The following CDH18 variants were observed in gnomAD, a reference collection of about 807,000 sequenced individuals.
The protein encoded by CDH18 is cadherin 18.
CDH18 carries 31 observed loss-of-function variants against 67.9 expected under a neutral mutation model. That is an observed-to-expected ratio of 0.46 (90% CI 0.34 to 0.62). CDH18 has a LOEUF of 0.62. CDH18 is among the 20% of genes least tolerant of loss of function. The probability of loss-of-function intolerance (pLI) is 0.01; values close to 1 mark genes in which losing one functional copy is unlikely to be tolerated. For synonymous variants in CDH18, 362 were observed against 347.2 expected (o/e 1.04, Z -0.48); for missense variants, 890 against 975.5 (o/e 0.91, Z 1.17).
At chr5:20,561,177 C>T (rs565994907) in intron 1 of CDH18, among the ~76,000 whole-genome samples, 2 of 152,136 alleles carry the variant, frequency 1.3e-5, no homozygotes, top group African/African-American at 4.8e-5. Flanking sequence ...ATTGCATAGC[C>T]ATAGTGGAAG....
intron 2 of CDH18, among the ~76,000 whole-genome samples, chr5:20,218,158 G>A (rs1341028226): frequency 2.0e-5 from 3 of 151,760 alleles, no homozygotes; most frequent in Non-Finnish European, 4.4e-5. Flanking sequence ...TGCACTACAG[G>A]CCCAACAGAC....
chr5:19,850,892 T>C (rs1292150627), intron 2 of CDH18, among the ~76,000 whole-genome samples: 2 of 151,868 alleles, frequency 1.3e-5, no homozygotes, highest in African/African-American at 4.8e-5. Context: ...TCTTACATCA[T>C]CCTGTTTATG....
chr5:20,083,873 C>T (rs1366316472), intron 2 of CDH18, among the ~76,000 whole-genome samples: 1 of 152,138 alleles, frequency 6.6e-6, no homozygotes, highest in Non-Finnish European at 1.5e-5. Flanking sequence ...AAGACTTGCC[C>T]CCATGATTCA....
intron 2 of CDH18, among the ~76,000 whole-genome samples, chr5:20,044,170 C>T (rs966343275): frequency 1.9e-5 from 1 of 53,086 alleles, no homozygotes; most frequent in Non-Finnish European, 8.2e-5. Flanking sequence ...TTCTATTTAA[C>T]TGTTAAAAAA....
At chr5:19,772,857 C>T (rs1349272308) in intron 3 of CDH18, among the ~76,000 whole-genome samples, 1 of 152,098 alleles carries the variant, frequency 6.6e-6, no homozygotes, top group African/African-American at 2.4e-5. Context: ...ACTGATAAGT[C>T]TAAGTGTACA....
intron 2 of CDH18, among the ~76,000 whole-genome samples, chr5:20,049,355 G>A (rs1431173431): frequency 6.6e-6 from 1 of 151,670 alleles, no homozygotes; most frequent in African/African-American, 2.4e-5. Flanking sequence ...CCTACCAGAA[G>A]GTGGAGAGTG....
chr5:20,166,245 A>C (rs1236097945), intron 2 of CDH18, among the ~76,000 whole-genome samples: 5 of 152,142 alleles, frequency 3.3e-5, no homozygotes, highest in Admixed American at 3.3e-4. Context: ...GTTTGAGACC[A>C]GCCTGGCCAA....
chr5:19,806,070 A>C (rs1778005079), intron 3 of CDH18, among the ~76,000 whole-genome samples: 1 of 152,174 alleles, frequency 6.6e-6, no homozygotes. Context: ...TTTGTCCTTG[A>C]ATGTGACACA....
Position 19,701,423 on chromosome 5 carries a change from G to A in CDH18, c.643+19924C>T, listed in dbSNP as rs374727167. 4.6e-5 allele frequency among the ~76,000 whole-genome samples: 7 copies of A among 152,232 alleles called. No homozygotes were observed. The East Asian group carries it at 1.4e-3, about 29-fold the overall frequency. On this transcript the variant is annotated intron_variant, in intron 5 of 12. Transcript: ENST00000382275. ...CAAACAAAAAAATATGGCCCAAAGAGTGAGGGAGATGAGACCCTTATGAAA... is the reference window on the plus strand; with the variant it reads ...CAAACAAAAAAATATGGCCCAAAGAATGAGGGAGATGAGACCCTTATGAAA...
intron 2 of CDH18, among the ~76,000 whole-genome samples, chr5:20,007,798 A>T (rs1737041019): frequency 6.6e-6 from 1 of 151,838 alleles, no homozygotes; most frequent in African/African-American, 2.4e-5. Context: ...GGTTAAGAAA[A>T]ATCAAAATAA....
chr5:20,060,190 C>T (rs1288256112), intron 2 of CDH18, among the ~76,000 whole-genome samples: 2 of 151,948 alleles, frequency 1.3e-5, no homozygotes, highest in African/African-American at 4.8e-5. Flanking sequence ...ATAGGCGGAG[C>T]GTGGTGACTC....
chr5:19,792,344 A>C (rs1008438810), intron 3 of CDH18, among the ~76,000 whole-genome samples: 1 of 152,056 alleles, frequency 6.6e-6, no homozygotes, highest in Non-Finnish European at 1.5e-5. Flanking sequence ...CAGGCTTCGT[A>C]ACTTACACCA....
chr5:19,572,515 G>A (rs775927891), intron 7 of CDH18, among the ~76,000 whole-genome samples: 1 of 152,082 alleles, frequency 6.6e-6, no homozygotes, highest in Non-Finnish European at 1.5e-5. Flanking sequence ...GTCAATTCAG[G>A]TTGCTATAAC....
chr5:20,178,564 T>C (rs1291131816), intron 2 of CDH18, among the ~76,000 whole-genome samples: 5 of 150,978 alleles, frequency 3.3e-5, no homozygotes, highest in Admixed American at 6.6e-5. Flanking sequence ...ATAATTAGTG[T>C]AAATAGAGTT....
At chr5:20,008,546 TA>T (rs1737128983) in intron 2 of CDH18, among the ~76,000 whole-genome samples, 1 of 152,114 alleles carries the variant, frequency 6.6e-6, no homozygotes, top group Non-Finnish European at 1.5e-5. Flanking sequence ...AGCATTCAAA[TA>T]CAGTACAGAA....
intron 1 of CDH18, among the ~76,000 whole-genome samples, chr5:20,492,230 C>T (rs1753638552): frequency 6.6e-6 from 1 of 151,666 alleles, no homozygotes; most frequent in South Asian, 2.1e-4. Context: ...GCATTTGCTA[C>T]ACTATAATAT....
At chr5:20,262,994 G>T (rs371881960) in intron 1 of CDH18, among the ~76,000 whole-genome samples, 2 of 124,906 alleles carry the variant, frequency 1.6e-5, no homozygotes, top group Non-Finnish European at 3.3e-5. Context: ...GGAAGGGAGG[G>T]AAGGGGAGGG....
chr5:19,808,281 T>A (rs1237943747), intron 3 of CDH18, among the ~76,000 whole-genome samples: 1 of 151,356 alleles, frequency 6.6e-6, no homozygotes, highest in African/African-American at 2.4e-5. Flanking sequence ...CCTATAATTT[T>A]CTTTACAAAA....
intron 5 of CDH18, among the ~76,000 whole-genome samples, chr5:19,675,982 TA>T (rs888734513): frequency 3.9e-4 from 56 of 143,250 alleles, no homozygotes; most frequent in Admixed American, 6.3e-4. Context: ...CAACAATCAT[TA>T]AAAAAAAAAA....
Sources: allele counts gnomAD v4.1 joint callset (sites outside exome capture counted in the v4.1 genomes callset), GRCh38; gene constraint gnomAD v4.1.1; transcripts MANE v1.5; gene names NCBI Gene and HGNC (gene_info 2026-07-23, HGNC 2026-07-21).